NAPB: variants seen among roughly 807,000 people sequenced by gnomAD.
The protein encoded by NAPB is NSF attachment protein beta, also known as beta-soluble NSF attachment protein.
NAPB carries 26 observed loss-of-function variants against 44.7 expected under a neutral mutation model. The ratio of observed to expected loss-of-function variants is 0.58; its 90% confidence interval spans 0.43 to 0.81. The LOEUF is 0.81. Among genes scored for constraint, NAPB ranks in the 30% least tolerant of loss-of-function variants. NAPB has a pLI of 0.00. For missense variants in NAPB, 315 were observed against 356.4 expected (o/e 0.88, Z 0.94); for synonymous variants, 120 against 116.8 (o/e 1.03, Z -0.18).
At chr20:23,392,317 T>G (rs988015256) in intron 5 of NAPB, among the ~76,000 whole-genome samples, 2 of 152,176 alleles carry the variant, frequency 1.3e-5, no homozygotes, top group Non-Finnish European at 2.9e-5. Flanking sequence ...GACTAAGTAT[T>G]TGCAAAAAGA....
At chr20:23,398,769 G>A (rs1984581735) in intron 2 of NAPB, among the ~76,000 whole-genome samples, 1 of 151,560 alleles carries the variant, frequency 6.6e-6, no homozygotes, top group South Asian at 2.1e-4. Flanking sequence ...GCTTGAATCC[G>A]GGAGGCGGAG....
chr20:23,395,182 G>C lies in NAPB; in HGVS notation c.299C>G (p.Ala100Gly). The C allele has an allele frequency of 6.2e-7, 1 of 1,614,152 alleles. No homozygotes were observed. The highest frequency in any genetic ancestry group is 8.5e-7 in the Non-Finnish European group (1 of 1,179,992). Residue 100 changes from alanine to glycine, a missense_variant, in exon 4 of 11, where the codon GCT becomes GGT. Transcript: ENST00000377026. ...NAYKKADPQE[A>G]INCLNAAIDI... ...GATGGCTGCATTTAAGCAGTTGATA[G>C]CCTCTGAAGCGTAGGCATTTAAGAA...
At chr20:23,379,269 C>T in intron 10 of NAPB, 176 bp downstream of exon 10, 1 of 504,640 alleles carries the variant, frequency 2.0e-6, no homozygotes, top group Non-Finnish European at 3.5e-6. Context: ...CTCAGCATGG[C>T]TAATGGAACT....
intron 2 of NAPB, among the ~76,000 whole-genome samples, chr20:23,397,622 G>A (rs896845780): frequency 6.6e-6 from 1 of 152,172 alleles, no homozygotes; most frequent in Non-Finnish European, 1.5e-5. Flanking sequence ...CTTAGCTGTC[G>A]GTGTGGAAGA....
intron 1 of NAPB, among the ~76,000 whole-genome samples, chr20:23,413,359 T>A (rs757765663): frequency 6.6e-6 from 1 of 152,076 alleles, no homozygotes; most frequent in Non-Finnish European, 1.5e-5. Context: ...TGTAACAGGA[T>A]CTATAAAATA....
intron 7 of NAPB, among the ~76,000 whole-genome samples, chr20:23,385,568 T>C (rs192645170): frequency 6.6e-6 from 1 of 151,984 alleles, no homozygotes; most frequent in Non-Finnish European, 1.5e-5. Flanking sequence ...GAGACCAGCC[T>C]AGCCAACATG....
At chr20:23,382,244 T>C (rs1429919188) in intron 7 of NAPB, among the ~76,000 whole-genome samples, 1 of 152,060 alleles carries the variant, frequency 6.6e-6, no homozygotes, top group Non-Finnish European at 1.5e-5. Flanking sequence ...AGAGACCTGG[T>C]GGAAAGCTGA....
At chr20:23,378,400 G>T (rs1005857464) in intron 10 of NAPB, among the ~76,000 whole-genome samples, 7 of 149,414 alleles carry the variant, frequency 4.7e-5, no homozygotes, top group African/African-American at 1.5e-4. Flanking sequence ...AAAGTATAAA[G>T]AAAAAAACCC....
intron 3 of NAPB, 83 bp downstream of exon 3, chr20:23,396,989 C>G: frequency 1.4e-6 from 2 of 1,408,862 alleles, no homozygotes; most frequent in Non-Finnish European, 1.9e-6. Flanking sequence ...TGAAAGCACA[C>G]CAACACTGAC....
At chr20:23,379,382 G>A in intron 10 of NAPB, 63 bp downstream of exon 10, 2 of 1,266,980 alleles carry the variant, frequency 1.6e-6, no homozygotes, top group Non-Finnish European at 2.2e-6. Flanking sequence ...TAATGAAAAG[G>A]AAAAGAAGTT....
Position 23,381,126 on chromosome 20 carries a change from CAAAAT to C in NAPB, c.666+82_666+86del, listed in dbSNP as rs1202759672. 6.4e-5 allele frequency: 59 copies of C among 918,134 alleles called. No individual in the cohort carries two copies. The East Asian group carries it at 1.4e-3, about 22-fold the overall frequency. The allele number at this position is 918,134 out of a possible 1,614,324, so 56.9% of individuals were successfully genotyped here. On this transcript the variant is annotated intron_variant, in intron 8 of 10. Transcript: ENST00000377026. ...ACCCGTTTATTCTTGGTACTAACAT[CAAAAT>C]GAAATGATACCAAGAACAAGAGAGA...
chr20:23,403,123 TCTCC>T (rs780978844), intron 1 of NAPB, 51 bp from the exon 2 acceptor site: 48 of 1,285,900 alleles, frequency 3.7e-5, no homozygotes, highest in Admixed American at 1.8e-5. Flanking sequence ...CATCTCTAAT[TCTCC>T]CTCCCTCAAA....
chr20:23,394,118 G>A (rs1246447512), intron 5 of NAPB, among the ~76,000 whole-genome samples: 1 of 152,266 alleles, frequency 6.6e-6, no homozygotes, highest in Middle Eastern at 3.4e-3. Flanking sequence ...TAGTGAAAGG[G>A]GTCTAATGAC....
intron 2 of NAPB, 151 bp from the exon 3 acceptor site, chr20:23,397,339 G>C (rs569376196): frequency 2.3e-6 from 2 of 883,630 alleles, no homozygotes; most frequent in East Asian, 2.9e-5. Context: ...AGTGCACCTC[G>C]GGCAAATATA....
rs1478889075 is a variant in NAPB, at chr20:23,403,078, A to G, written c.99-6T>C. On this transcript the variant is annotated splice_region_variant and splice_polypyrimidine_tract_variant and intron_variant, in intron 1 of 10. Transcript: ENST00000377026. ...CTTCTATTCTTGTGTTTCCTCTGAG[A>G]AAAAGTTAAAAATTAGATTTTTAAC... 9 of 1,607,450 alleles carry G rather than the reference A, an allele frequency of 5.6e-6. No homozygotes were observed. The highest frequency in any genetic ancestry group is 6.8e-6 in the Non-Finnish European group (8 of 1,176,580).
At position 23,397,171 on chromosome 20, in the gene NAPB, A is replaced by C; in HGVS notation, c.196T>G (p.Cys66Gly). The C allele has an allele frequency of 1.2e-6, 2 of 1,612,268 alleles. No individual in the cohort carries two copies. The highest frequency in any genetic ancestry group is 1.7e-6 in the Non-Finnish European group (2 of 1,178,628). The change falls in exon 3 of 11, where the codon TGT (cysteine) becomes GGT (glycine). Residue 66 changes from cysteine (C) to glycine (G), a missense_variant. Physicochemically the swap from Cys to Gly is radical, Grantham distance 159. This residue lies in a region of NAPB where 179 missense variants were observed against 182.5 expected (regional missense o/e 0.98). Transcript: ENST00000377026. ...TGCATGTGGAGCTTGGCTGCCTGAC[A>C]AAATGCGTTTCCTGCAGCTGAAGAA... ...KNWSAAGNAFCQAAKLHMQLQ... is the reference protein window; with the variant it reads ...KNWSAAGNAFGQAAKLHMQLQ...
intron 8 of NAPB, among the ~76,000 whole-genome samples, chr20:23,380,332 C>T (rs1346911343): frequency 1.3e-5 from 2 of 152,192 alleles, no homozygotes; most frequent in African/African-American, 4.8e-5. Context: ...TAGTTCTGCT[C>T]TTCCAACTCC....
intron 7 of NAPB, among the ~76,000 whole-genome samples, chr20:23,386,432 C>A (rs6076063): frequency 6.6e-6 from 1 of 152,184 alleles, no homozygotes; most frequent in East Asian, 1.9e-4. Flanking sequence ...AGAAGACATC[C>A]TAATGCATTC....
chr20:23,377,246 A>G lies in NAPB; in HGVS notation c.*130T>C. The G allele has an allele frequency of 2.1e-6, 1 of 468,274 alleles. No homozygotes were observed. The highest frequency in any genetic ancestry group is 3.8e-6 in the Non-Finnish European group (1 of 262,820). 29.0% of individuals were successfully genotyped at this position (468,274 alleles called of 1,614,324 possible). On this transcript the variant is annotated 3_prime_UTR_variant, in exon 11 of 11. Coordinates refer to ENST00000377026, the MANE Select transcript of NAPB (RefSeq NM_022080.3). The stretch of plus-strand genomic sequence containing the variant: ...ACAGCAACACAGACTTGGCGAGCTT[A>G]AACAATACACAGGCCGTCTGGCTCA...
Sources: allele counts gnomAD v4.1 joint callset (sites outside exome capture counted in the v4.1 genomes callset), GRCh38; gene constraint gnomAD v4.1.1; regional missense constraint gnomAD v4.1.1; transcripts MANE v1.5; gene names NCBI Gene and HGNC (gene_info 2026-07-23, HGNC 2026-07-21).